MAP3K5: variants seen among roughly 807,000 people sequenced by gnomAD.
MAP3K5 encodes ASK-1.
MAP3K5 carries 56 observed loss-of-function variants against 158.7 expected under a neutral mutation model. The observed-to-expected ratio is 0.35, with a 90% CI of 0.28 to 0.44. The LOEUF is 0.44. MAP3K5 is among the 20% of genes least tolerant of loss of function. The probability of loss-of-function intolerance (pLI) is 1.00; values close to 1 mark genes in which losing one functional copy is unlikely to be tolerated. For synonymous variants in MAP3K5, 579 were observed against 601.7 expected (o/e 0.96, Z 0.55); for missense variants, 1,294 against 1,674.8 (o/e 0.77, Z 3.97).
At chr6:136,700,663 GT>G (rs1249939103) in intron 3 of MAP3K5, among the ~76,000 whole-genome samples, 1 of 152,198 alleles carries the variant, frequency 6.6e-6, no homozygotes, top group Non-Finnish European at 1.5e-5. Context: ...TGGGATTGAG[GT>G]GGGGCACAAC....
chr6:136,760,783 A>C (rs1783715598), intron 1 of MAP3K5, among the ~76,000 whole-genome samples: 1 of 152,174 alleles, frequency 6.6e-6, no homozygotes, highest in Non-Finnish European at 1.5e-5. Flanking sequence ...CAGGCTGGTC[A>C]ATGTGTCGAA....
At chr6:136,644,903 G>T (rs1778172865) in intron 11 of MAP3K5, among the ~76,000 whole-genome samples, 1 of 152,132 alleles carries the variant, frequency 6.6e-6, no homozygotes, top group South Asian at 2.1e-4. Flanking sequence ...AGAGAAGCCA[G>T]AATTCAGAAT....
chr6:136,779,735 G>A (rs1450305786), intron 1 of MAP3K5, among the ~76,000 whole-genome samples: 2 of 152,124 alleles, frequency 1.3e-5, no homozygotes, highest in Non-Finnish European at 1.5e-5. Context: ...AATGAAGTTG[G>A]GTTTCCAGAC....
At chr6:136,610,139 CT>C (rs571818668) in intron 18 of MAP3K5, among the ~76,000 whole-genome samples, 102 of 148,908 alleles carry the variant, frequency 6.8e-4, no homozygotes, top group Non-Finnish European at 6.6e-4. Flanking sequence ...TCCCCTTACC[CT>C]TTTTTTTTTC....
At chr6:136,557,921 G>GATGA in intron 29 of MAP3K5, 103 bp from the exon 30 acceptor site, 1 of 791,400 alleles carries the variant, frequency 1.3e-6, no homozygotes, top group Non-Finnish European at 2.3e-6. Flanking sequence ...CTGGTCAGAA[G>GATGA]AAGATCCCAA....
intron 23 of MAP3K5, among the ~76,000 whole-genome samples, chr6:136,588,774 A>G (rs1309923774): frequency 6.6e-6 from 1 of 152,158 alleles, no homozygotes; most frequent in African/African-American, 2.4e-5. Flanking sequence ...CCAGAGAGAA[A>G]GCTGATGGCT....
intron 1 of MAP3K5, among the ~76,000 whole-genome samples, chr6:136,737,768 C>T (rs1405470912): frequency 1.3e-5 from 2 of 152,206 alleles, no homozygotes; most frequent in Admixed American, 6.5e-5. Context: ...TGATAACCTT[C>T]AAGTGCAATG....
chr6:136,789,900 G>A (rs572029288), intron 1 of MAP3K5, among the ~76,000 whole-genome samples: 35 of 151,938 alleles, frequency 2.3e-4, no homozygotes, highest in African/African-American at 8.4e-4. Context: ...TGTTGGCCAG[G>A]AGGCTGGCCT....
At chr6:136,578,001 T>C (rs546474966) in intron 25 of MAP3K5, among the ~76,000 whole-genome samples, 6 of 152,286 alleles carry the variant, frequency 3.9e-5, no homozygotes, top group Admixed American at 3.9e-4. Flanking sequence ...TTTCAAAATA[T>C]ACTCTCTTTT....
At chr6:136,792,912 G>A (rs1032421170), upstream of MAP3K5, among the ~76,000 whole-genome samples, 17 of 152,134 alleles carry the variant, frequency 1.1e-4, no homozygotes, top group Non-Finnish European at 1.2e-4. This position sits in a 1 kb window ranked among gnomAD's most constrained non-coding sequence, Gnocchi z 5.7. Context: ...CAAGGAGGGC[G>A]CTGCTAGGAA....
intron 1 of MAP3K5, among the ~76,000 whole-genome samples, chr6:136,776,358 C>T (rs975666354): frequency 7.9e-5 from 12 of 152,298 alleles, no homozygotes; most frequent in African/African-American, 2.9e-4. Context: ...GATCCTCCCA[C>T]CTCAGCCTCC....
intron 4 of MAP3K5, among the ~76,000 whole-genome samples, chr6:136,698,099 C>T (rs1008129070): frequency 1.3e-5 from 2 of 152,164 alleles, no homozygotes; most frequent in Non-Finnish European, 2.9e-5. Flanking sequence ...CTCAGCCTAT[C>T]ATTTATTAAC....
chr6:136,657,190 TTA>T (rs1263936792), intron 9 of MAP3K5, among the ~76,000 whole-genome samples: 1 of 152,222 alleles, frequency 6.6e-6, no homozygotes, highest in Non-Finnish European at 1.5e-5. Flanking sequence ...GCAACTCAGC[TTA>T]TATATTATAC....
Position 136,622,853 on chromosome 6 carries a change from G to C in MAP3K5, c.2145C>G (p.Asp715Glu). The change falls in exon 15 of 30, where the codon GAC becomes GAG. Residue 715 changes from aspartate to glutamate, a missense_variant. Asp to Glu is a conservative substitution (Grantham distance 45). This residue lies in a region of MAP3K5 where 41 missense variants were observed against 98.2 expected (regional missense o/e 0.42). Transcript: ENST00000359015. ...RIAIKEIPER[D>E]SRYSQPLHEE... Reference sequence around the variant, plus strand: ...AGTAGCTACAATTACTGTACCTGCTGTCTCTCTCTGGGATTTCCTTAATAG... The same window carrying C: ...AGTAGCTACAATTACTGTACCTGCTCTCTCTCTCTGGGATTTCCTTAATAG... 1 of 1,598,804 alleles carries C rather than the reference G, an allele frequency of 6.3e-7. No homozygotes were observed. The highest frequency in any genetic ancestry group is 8.5e-7 in the Non-Finnish European group (1 of 1,170,474).
At chr6:136,645,048 C>G (rs886194942) in intron 11 of MAP3K5, among the ~76,000 whole-genome samples, 2 of 152,162 alleles carry the variant, frequency 1.3e-5, no homozygotes, top group African/African-American at 4.8e-5. Context: ...CCCGCCTCAG[C>G]CTCCCAAGCA....
chr6:136,649,350 A>G (rs942091467), intron 11 of MAP3K5, among the ~76,000 whole-genome samples: 1 of 152,228 alleles, frequency 6.6e-6, no homozygotes, highest in African/African-American at 2.4e-5. Context: ...GAAAAGCAGC[A>G]TCCCCAGGAA....
intron 19 of MAP3K5, among the ~76,000 whole-genome samples, chr6:136,604,808 T>C (rs1172685380): frequency 6.6e-6 from 1 of 152,090 alleles, no homozygotes; most frequent in African/African-American, 2.4e-5. Context: ...ACTATTATGG[T>C]AGAGAAGTAA....
chr6:136,706,659 C>T (rs1309579037), intron 2 of MAP3K5, among the ~76,000 whole-genome samples: 5 of 152,040 alleles, frequency 3.3e-5, no homozygotes, highest in East Asian at 3.9e-4. Context: ...AGGCGAGGCC[C>T]GGCTGAGTGG....
At chr6:136,572,550 C>T (rs1371763708) in intron 25 of MAP3K5, among the ~76,000 whole-genome samples, 1 of 152,230 alleles carries the variant, frequency 6.6e-6, no homozygotes, top group East Asian at 1.9e-4. Flanking sequence ...AGCCACCATG[C>T]CCAGCCCTAA....
Sources: allele counts gnomAD v4.1 joint callset (sites outside exome capture counted in the v4.1 genomes callset), GRCh38; gene constraint gnomAD v4.1.1; regional missense constraint gnomAD v4.1.1; non-coding constraint Gnocchi (gnomAD v3.1); transcripts MANE v1.5; gene names NCBI Gene and HGNC (gene_info 2026-07-23, HGNC 2026-07-21).